The following AIG1 variants were observed in gnomAD, a reference collection of about 807,000 sequenced individuals.
AIG1 encodes androgen induced 1.
AIG1 carries 23 observed loss-of-function variants against 31.4 expected under a neutral mutation model. The observed-to-expected ratio is 0.73, with a 90% CI of 0.53 to 1.04. AIG1 has a LOEUF of 1.04. Ranked by LOEUF, AIG1 falls within the 50% of genes least tolerant of loss-of-function variation. AIG1 has a pLI of 0.00. For missense variants in AIG1, 274 were observed against 295.0 expected (o/e 0.93, Z 0.52); for synonymous variants, 100 against 110.5 (o/e 0.90, Z 0.60).
At chr6:143,212,656 G>GGT (rs765367761) in intron 3 of AIG1, among the ~76,000 whole-genome samples, 11 of 152,140 alleles carry the variant, frequency 7.2e-5, no homozygotes, top group Non-Finnish European at 1.3e-4. Context: ...ATGAAAACTC[G>GGT]GTGCCTCAGG....
intron 1 of AIG1, among the ~76,000 whole-genome samples, chr6:143,093,126 G>C (rs1779453764): frequency 6.6e-6 from 1 of 152,146 alleles, no homozygotes; most frequent in African/African-American, 2.4e-5. Flanking sequence ...CTCATTTCTA[G>C]CTGTGAGAGT....
At chr6:143,129,458 G>C (rs1415485256) in intron 1 of AIG1, among the ~76,000 whole-genome samples, 1 of 152,202 alleles carries the variant, frequency 6.6e-6, no homozygotes, top group Non-Finnish European at 1.5e-5. Flanking sequence ...GGTCTACAAA[G>C]AGTGACAGGT....
intron 1 of AIG1, among the ~76,000 whole-genome samples, chr6:143,073,870 G>A (rs957718279): frequency 3.9e-5 from 6 of 152,212 alleles, no homozygotes; most frequent in African/African-American, 1.4e-4. Context: ...CAACAGGGAT[G>A]GTGCTAAACC....
chr6:143,269,013 C>G (rs1482491163), intron 3 of AIG1, among the ~76,000 whole-genome samples: 1 of 152,204 alleles, frequency 6.6e-6, no homozygotes, highest in African/African-American at 2.4e-5. Context: ...AAGGGCAGGG[C>G]CTTCACAGCT....
At chr6:143,094,700 T>G (rs898716039) in intron 1 of AIG1, among the ~76,000 whole-genome samples, 1 of 151,748 alleles carries the variant, frequency 6.6e-6, no homozygotes, top group Non-Finnish European at 1.5e-5. Flanking sequence ...TATTGAAAAA[T>G]ATTAATACTA....
chr6:143,165,804 T>C (rs968214100), intron 3 of AIG1, among the ~76,000 whole-genome samples: 2 of 152,210 alleles, frequency 1.3e-5, no homozygotes, highest in Non-Finnish European at 2.9e-5. Context: ...GATGTTGCCC[T>C]CACTAGTTTC....
intron 3 of AIG1, among the ~76,000 whole-genome samples, chr6:143,177,426 G>C (rs1788275166): frequency 6.6e-6 from 1 of 152,160 alleles, no homozygotes; most frequent in South Asian, 2.1e-4. Context: ...TGCCTCTTCT[G>C]ATTTTATGGA....
At chr6:143,121,372 A>C (rs1453449060) in intron 1 of AIG1, among the ~76,000 whole-genome samples, 1 of 152,226 alleles carries the variant, frequency 6.6e-6, no homozygotes, top group Non-Finnish European at 1.5e-5. Context: ...CTCTCTGATC[A>C]AGTTGAACAT....
At chr6:143,181,990 T>C (rs1788767551) in intron 3 of AIG1, among the ~76,000 whole-genome samples, 1 of 152,090 alleles carries the variant, frequency 6.6e-6, no homozygotes, top group Non-Finnish European at 1.5e-5. Context: ...ATTTTTTCTC[T>C]CTTTCTCTCA....
chr6:143,243,209 T>G (rs995216368), intron 3 of AIG1, among the ~76,000 whole-genome samples: 1 of 152,204 alleles, frequency 6.6e-6, no homozygotes, highest in Non-Finnish European at 1.5e-5. Flanking sequence ...GTGGGAACAT[T>G]TGCAGCTGGG....
chr6:143,121,707 C>T (rs1017408406), intron 1 of AIG1, among the ~76,000 whole-genome samples: 1 of 152,146 alleles, frequency 6.6e-6, no homozygotes. Context: ...TTTATTTTCA[C>T]TAGTAAAACT....
intron 4 of AIG1, among the ~76,000 whole-genome samples, chr6:143,305,452 A>C (rs562359126): frequency 6.6e-6 from 1 of 152,148 alleles, no homozygotes; most frequent in Admixed American, 6.5e-5. Context: ...TTCCAAGAAC[A>C]TCTTTATTTC....
intron 4 of AIG1, among the ~76,000 whole-genome samples, chr6:143,317,559 G>A (rs1467770633): frequency 6.6e-6 from 1 of 152,008 alleles, no homozygotes; most frequent in East Asian, 1.9e-4. Flanking sequence ...TACCAAACAG[G>A]GAAAAGTTGA....
chr6:143,141,370 A>G (rs1489805371), intron 2 of AIG1, among the ~76,000 whole-genome samples: 1 of 152,226 alleles, frequency 6.6e-6, no homozygotes, highest in Non-Finnish European at 1.5e-5. Context: ...GTATGTGAGC[A>G]TGAAGCCCTA....
intron 3 of AIG1, among the ~76,000 whole-genome samples, chr6:143,230,838 T>G (rs1010913269): frequency 2.6e-5 from 4 of 152,184 alleles, no homozygotes; most frequent in African/African-American, 9.7e-5. Flanking sequence ...CAGAGGAAAG[T>G]CTGACTCCTC....
At chr6:143,145,263 G>A (rs1377421654) in intron 2 of AIG1, among the ~76,000 whole-genome samples, 1 of 152,110 alleles carries the variant, frequency 6.6e-6, no homozygotes, top group Admixed American at 6.5e-5. Flanking sequence ...GAGCTCAAGC[G>A]ATCCACCACC....
At chr6:143,234,466 C>G (rs1056565615) in intron 3 of AIG1, among the ~76,000 whole-genome samples, 11 of 152,188 alleles carry the variant, frequency 7.2e-5, no homozygotes, top group African/African-American at 2.7e-4. Flanking sequence ...CAGAGTTCCC[C>G]CACCTGGTTG....
intron 3 of AIG1, chr6:143,190,488 T>G: frequency 1.0e-6 from 1 of 985,394 alleles, no homozygotes; most frequent in South Asian, 4.7e-5. Context: ...TCAGACAATA[T>G]CTTCACTTTT....
intron 4 of AIG1, among the ~76,000 whole-genome samples, chr6:143,307,202 G>T (rs987148839): frequency 4.6e-5 from 7 of 152,194 alleles, no homozygotes; most frequent in East Asian, 1.9e-4. Flanking sequence ...CTCTCAGCTC[G>T]TCAAAGTCAT....
Sources: gnomAD v4.1 joint callset for allele counts (sites outside exome capture counted in the v4.1 genomes callset) on GRCh38, gnomAD v4.1.1 for gene constraint, MANE v1.5 for transcripts, NCBI Gene and HGNC (gene_info 2026-07-23, HGNC 2026-07-21) for gene names.